The following PPARGC1B variants were observed in gnomAD, a reference collection of about 807,000 sequenced individuals.
The protein encoded by PPARGC1B is peroxisome proliferator-activated receptor gamma coactivator 1-beta.
In PPARGC1B, 34 loss-of-function variants were observed where a neutral mutation model predicts 101.6. The observed-to-expected ratio is 0.33, with a 90% CI of 0.25 to 0.45. PPARGC1B has a LOEUF of 0.45. PPARGC1B is among the 20% of genes least tolerant of loss of function. The pLI, the probability that PPARGC1B is intolerant of heterozygous loss-of-function variation, is 1.00. For missense variants in PPARGC1B, 1,234 were observed against 1,317.6 expected (o/e 0.94, Z 0.98); for synonymous variants, 548 against 539.3 (o/e 1.02, Z -0.22).
At chr5:149,748,963 A>G (rs1755187320) in intron 1 of PPARGC1B, among the ~76,000 whole-genome samples, 3 of 152,162 alleles carry the variant, frequency 2.0e-5, no homozygotes, top group Admixed American at 6.5e-5. Context: ...CACAGGCAGC[A>G]TGGGATGAAT....
Position 149,829,872 on chromosome 5 carries a change from C to T in PPARGC1B, c.466-895C>T, listed in dbSNP as rs145847976. On this transcript the variant is annotated intron_variant, in intron 3 of 11. Coordinates refer to ENST00000309241, the MANE Select transcript of PPARGC1B (RefSeq NM_133263.4). ...CCAACATGGTAAAACCCCATCTCTACGAAAATACAAAAATTAGCTGGGTGT... is the reference window on the plus strand; with the variant it reads ...CCAACATGGTAAAACCCCATCTCTATGAAAATACAAAAATTAGCTGGGTGT... 4.2e-3 allele frequency among the ~76,000 whole-genome samples: 639 copies of T among 151,286 alleles called. 21 individuals are homozygous for T. Among genetic ancestry groups the T allele is most frequent in the Admixed American group, 0.028 (420 of 15,196 alleles).
chr5:149,775,361 A>G (rs1414293925), intron 1 of PPARGC1B, among the ~76,000 whole-genome samples: 1 of 152,100 alleles, frequency 6.6e-6, no homozygotes. Context: ...CAGGTCTTCA[A>G]CTTCTTTCCC....
chr5:149,836,491 C>T lies in PPARGC1B; in HGVS notation c.2036C>T (p.Ala679Val). 6.2e-7 allele frequency: 1 copy of T among 1,614,054 alleles called. No homozygotes were observed. Among genetic ancestry groups the T allele is most frequent in the East Asian group, 2.2e-5 (1 of 44,874 alleles). ...RHATAQPASQ[A>V]GQKRPFSCSF... is the part of the protein sequence containing the mutation. ...GCCACAGCCCAGCCAGCCTCCCAGG[C>T]TGGCCAGAAGCGTCCCTTCTCCTGT... The change falls in exon 8 of 12, where the codon GCT becomes GTT. Residue 679 changes from alanine to valine, a missense_variant. Ala to Val is a moderately conservative substitution (Grantham distance 64). Transcript: ENST00000309241.
At chr5:149,759,940 T>C (rs1755661821) in intron 1 of PPARGC1B, among the ~76,000 whole-genome samples, 1 of 152,200 alleles carries the variant, frequency 6.6e-6, no homozygotes, top group Non-Finnish European at 1.5e-5. Context: ...GCATCTTCCA[T>C]GTTAGACTCA....
intron 1 of PPARGC1B, among the ~76,000 whole-genome samples, chr5:149,774,180 G>A (rs538374531): frequency 6.6e-6 from 1 of 152,330 alleles, no homozygotes; most frequent in Non-Finnish European, 1.5e-5. Flanking sequence ...TCCAGGGGTG[G>A]CACCTTGCAG....
chr5:149,766,358 C>T (rs1442792599), intron 1 of PPARGC1B, among the ~76,000 whole-genome samples: 6 of 152,130 alleles, frequency 3.9e-5, no homozygotes, highest in South Asian at 2.1e-4. Context: ...TTAAAGGTAT[C>T]GCTTATTAAG....
At chr5:149,819,125 T>C (rs754604249) in intron 1 of PPARGC1B, among the ~76,000 whole-genome samples, 9 of 152,236 alleles carry the variant, frequency 5.9e-5, no homozygotes, top group Non-Finnish European at 1.2e-4. Flanking sequence ...GAATTTATAT[T>C]ATTTCCAACA....
At chr5:149,743,272 C>T (rs1754976289) in intron 1 of PPARGC1B, among the ~76,000 whole-genome samples, 1 of 151,396 alleles carries the variant, frequency 6.6e-6, no homozygotes, top group Non-Finnish European at 1.5e-5. Context: ...TCTCCTGCCT[C>T]AGCCTCCTGA....
chr5:149,834,001 A>G (rs1460845547), intron 5 of PPARGC1B, among the ~76,000 whole-genome samples: 1 of 152,254 alleles, frequency 6.6e-6, no homozygotes, highest in East Asian at 1.9e-4. Context: ...TTCATCTTGC[A>G]TGGGCAAGGT....
intron 2 of PPARGC1B, among the ~76,000 whole-genome samples, chr5:149,823,478 C>T (rs1330449164): frequency 6.6e-6 from 1 of 152,158 alleles, no homozygotes; most frequent in South Asian, 2.1e-4. Context: ...CCTTTTCCCT[C>T]AGATTTCTTG....
intron 11 of PPARGC1B, chr5:149,847,185 G>A (rs1408677150): frequency 1.8e-6 from 1 of 571,078 alleles, no homozygotes; most frequent in African/African-American, 1.9e-5. Flanking sequence ...GTTGTAGGGT[G>A]TTGGAGCTAG....
At chr5:149,838,051 ACT>A (rs1329491130) in intron 8 of PPARGC1B, among the ~76,000 whole-genome samples, 2 of 152,068 alleles carry the variant, frequency 1.3e-5, no homozygotes, top group Non-Finnish European at 2.9e-5. Context: ...AGAGTATCAT[ACT>A]CTGAGACCAG....
chr5:149,779,296 A>G (rs1756507775), intron 1 of PPARGC1B, among the ~76,000 whole-genome samples: 1 of 152,144 alleles, frequency 6.6e-6, no homozygotes, highest in Admixed American at 6.5e-5. Flanking sequence ...GAGTGCATAC[A>G]CCATGCCTGG....
Position 149,836,465 on chromosome 5 carries a change from T to A in PPARGC1B, c.2010T>A (p.His670Gln), listed in dbSNP as rs766387820. The A allele has an allele frequency of 5.0e-6, 8 of 1,614,008 alleles. No individual in the cohort carries two copies. The South Asian group carries it at 8.8e-5, about 18-fold the overall frequency. ...GTGAGCTCCTGTCCCACCTGCGACA[T>A]GCCACAGCCCAGCCAGCCTCCCAGG... ...ERSELLSHLR[H>Q]ATAQPASQAG... Residue 670 changes from histidine to glutamine, a missense_variant, in exon 8 of 12, where the codon CAT becomes CAA. His to Gln is a conservative substitution (Grantham distance 24, BLOSUM62 0). Transcript: ENST00000309241.
chr5:149,753,408 A>T (rs1026188745), intron 1 of PPARGC1B, among the ~76,000 whole-genome samples: 1 of 152,070 alleles, frequency 6.6e-6, no homozygotes, highest in Admixed American at 6.6e-5. Flanking sequence ...GGGTTTCACC[A>T]TGTTGGCCAT....
At chr5:149,834,769 T>C (rs1044826673) in intron 6 of PPARGC1B, 59 bp downstream of exon 6, 2 of 1,507,430 alleles carry the variant, frequency 1.3e-6, no homozygotes, top group Admixed American at 3.4e-5. Flanking sequence ...GTTGGATGTG[T>C]GTGTTGGTGG....
chr5:149,808,416 A>G (rs984962088), intron 1 of PPARGC1B, among the ~76,000 whole-genome samples: 2 of 151,754 alleles, frequency 1.3e-5, no homozygotes, highest in Non-Finnish European at 2.9e-5. Context: ...CCTGCAGTCT[A>G]TTTTTGTGCC....
In PPARGC1B at chr5:149,816,371, G is replaced by A. The variant is rs192884812; in HGVS notation, c.79-4062G>A. On this transcript the variant is annotated intron_variant, in intron 1 of 11. Coordinates refer to ENST00000309241, the MANE Select transcript of PPARGC1B (RefSeq NM_133263.4). Reference sequence around the variant, plus strand: ...GGAAGGACACTCACCGGATGACCCCGAACAAATCCATTATCCTCTTTGGGT... The same window carrying A: ...GGAAGGACACTCACCGGATGACCCCAAACAAATCCATTATCCTCTTTGGGT... 2.8e-4 allele frequency among the ~76,000 whole-genome samples: 42 copies of A among 152,316 alleles called. No individual in the cohort carries two copies. The East Asian group carries it at 3.7e-3, about 13-fold the overall frequency.
rs1354014059 is a variant in PPARGC1B at position 149,853,829 on chromosome 5, C to G, written c.*6271C>G. 1 of 152,202 alleles carries G rather than the reference C, an allele frequency of 6.6e-6. No homozygotes were observed. Among genetic ancestry groups the G allele is most frequent in the Admixed American group, 6.5e-5 (1 of 15,274 alleles). 9.4% of individuals were successfully genotyped at this position (152,202 alleles called of 1,614,324 possible). A position where few individuals can be genotyped will look rare whatever the true frequency, so the allele number is the denominator to read the frequency against. On this transcript the variant is annotated 3_prime_UTR_variant, in exon 12 of 12. Coordinates refer to ENST00000309241, the MANE Select transcript of PPARGC1B (RefSeq NM_133263.4). This position sits in a 1 kb window ranked among gnomAD's most constrained non-coding sequence, Gnocchi z 4.2. ...GTGGTATGTGCAGCAGGGGAATAGA[C>G]TGCTTGGATTTCCAAATGGTTTCTG...
Sources: gnomAD v4.1 joint callset for allele counts (sites outside exome capture counted in the v4.1 genomes callset) on GRCh38, gnomAD v4.1.1 for gene constraint, Gnocchi (gnomAD v3.1) non-coding constraint, MANE v1.5 for transcripts, NCBI Gene and HGNC (gene_info 2026-07-23, HGNC 2026-07-21) for gene names.